The following UNC13B variants were observed in gnomAD, a reference collection of about 807,000 sequenced individuals.
UNC13B encodes the protein protein unc-13 homolog B.
Under a neutral mutation model 211.0 loss-of-function variants are expected in UNC13B, and 144 were observed. That is an observed-to-expected ratio of 0.68 (90% CI 0.60 to 0.78). The LOEUF is 0.78. UNC13B is among the 30% of genes least tolerant of loss of function. UNC13B has a pLI of 0.00. For synonymous variants in UNC13B, 709 were observed against 725.8 expected, an observed-to-expected ratio of 0.98 and a Z score of 0.37; for missense variants, 1,777 against 2,002.0, an observed-to-expected ratio of 0.89 and a Z score of 2.14.
chr9:35,318,917 A>G (rs1328123158), intron 11 of UNC13B, among the ~76,000 whole-genome samples: 2 of 152,182 alleles, frequency 1.3e-5, no homozygotes, highest in Non-Finnish European at 2.9e-5. Context: ...TCTCTCTGCA[A>G]TCCAGGCTGA....
chr9:35,293,765 CT>C (rs1347471204), intron 7 of UNC13B, among the ~76,000 whole-genome samples: 2 of 152,284 alleles, frequency 1.3e-5, no homozygotes, highest in African/African-American at 4.8e-5. Flanking sequence ...CTCTTGTTTG[CT>C]TTTGTTTTCA....
intron 14 of UNC13B, among the ~76,000 whole-genome samples, chr9:35,375,821 A>G (rs752352991): frequency 6.6e-6 from 1 of 152,118 alleles, no homozygotes; most frequent in Non-Finnish European, 1.5e-5. Context: ...TCTCTACTAA[A>G]AATACAAAAA....
intron 37 of UNC13B, among the ~76,000 whole-genome samples, chr9:35,401,124 C>T (rs1836273259): frequency 6.6e-6 from 1 of 152,170 alleles, no homozygotes; most frequent in Non-Finnish European, 1.5e-5. Context: ...GGAGCAGAGC[C>T]CTCCCAGGAG....
intron 10 of UNC13B, 29 bp downstream of exon 10, chr9:35,310,810 C>T (rs1166764634): frequency 6.3e-7 from 1 of 1,595,622 alleles, no homozygotes; most frequent in East Asian, 2.2e-5. Flanking sequence ...GAGGAGCTCA[C>T]ATGGCTTCCT....
chr9:35,189,826 C>T (rs1822556138), intron 1 of UNC13B, among the ~76,000 whole-genome samples: 1 of 152,166 alleles, frequency 6.6e-6, no homozygotes, highest in Non-Finnish European at 1.5e-5. Flanking sequence ...TGCACCACCA[C>T]ACCCGGATAA....
intron 22 of UNC13B, 65 bp downstream of exon 22, chr9:35,384,379 G>C: frequency 6.4e-7 from 1 of 1,555,290 alleles, no homozygotes; most frequent in Non-Finnish European, 8.7e-7. Flanking sequence ...GAGACTGTAG[G>C]CCAATCTTGG....
intron 11 of UNC13B, among the ~76,000 whole-genome samples, chr9:35,356,909 A>G (rs1378767782): frequency 6.6e-6 from 1 of 152,236 alleles, no homozygotes; most frequent in Non-Finnish European, 1.5e-5. Flanking sequence ...AGGATGCTGT[A>G]GCATGTATCA....
At chr9:35,342,220 A>C in intron 11 of UNC13B, 4 of 985,744 alleles carry the variant, frequency 4.1e-6, no homozygotes, top group Non-Finnish European at 4.8e-6. Context: ...TTCTCTGTCA[A>C]ACCAAGGAGT....
intron 1 of UNC13B, among the ~76,000 whole-genome samples, chr9:35,212,049 G>A (rs1351048165): frequency 6.6e-6 from 1 of 152,190 alleles, no homozygotes; most frequent in Non-Finnish European, 1.5e-5. Context: ...AGCTTTGAGT[G>A]TAGCTATTCT....
intron 10 of UNC13B, among the ~76,000 whole-genome samples, chr9:35,312,409 C>T (rs537799966): frequency 6.6e-6 from 1 of 152,252 alleles, no homozygotes; most frequent in African/African-American, 2.4e-5. Context: ...AGCTGTGGAC[C>T]AGGCTTCTTA....
chr9:35,307,874 A>C lies in UNC13B; in HGVS notation c.8470A>C (p.Lys2824Gln). ...STLFEGSSEG[K>Q]GSVLASDSKL... ...TCTATTTGAGGGAAGTAGTGAGGGG[A>C]AAGGGAGTGTATTAGCAAGTGATTC... Residue 2824 changes from lysine (K) to glutamine (Q), a missense_variant, in exon 9 of 40, where the codon AAA (lysine) becomes CAA (glutamine). By Grantham distance (53) the Lys-to-Gln change is moderately conservative. Transcript: ENST00000635942. 2.5e-6 allele frequency: 1 copy of C among 398,980 alleles called. No homozygotes were observed. The highest frequency in any genetic ancestry group is 1.3e-4 in the South Asian group (1 of 7,858). The allele number at this position is 398,980 out of a possible 1,614,324, so 24.7% of individuals were successfully genotyped here.
At chr9:35,337,006 G>A (rs772944363) in intron 11 of UNC13B, among the ~76,000 whole-genome samples, 21 of 152,130 alleles carry the variant, frequency 1.4e-4, no homozygotes, top group Non-Finnish European at 2.5e-4. Flanking sequence ...GGTTTGCTTT[G>A]ACTAAAGTTA....
chr9:35,263,623 A>G (rs572324545), intron 7 of UNC13B, among the ~76,000 whole-genome samples: 74 of 152,266 alleles, frequency 4.9e-4, no homozygotes, highest in African/African-American at 1.6e-3. Flanking sequence ...ATGTATATAT[A>G]TACATAAGCA....
Position 35,396,920 on chromosome 9 carries a change from C to T in UNC13B, c.11515C>T (p.Arg3839Ter), listed in dbSNP as rs756943841. 9.9e-6 allele frequency: 16 copies of T among 1,614,088 alleles called. No homozygotes were observed. Among genetic ancestry groups the T allele is most frequent in the Middle Eastern group, 3.3e-4 (2 of 6,062 alleles). ...GGAATTCCTGCGTGGGGCCCTGGAA[C>T]GAGATAAGAAGGATGGAGTAAGTCA... The part of the protein sequence containing the change: ...SLEFLRGALE[R>*]DKKDGFQQTS... The change falls in exon 28 of 40, where the codon CGA becomes TGA. Residue 3839 changes from arginine to a stop codon, truncating the protein, a stop_gained. Coordinates refer to ENST00000635942, the MANE Select transcript of UNC13B (RefSeq NM_001371189.2). LOFTEE classifies it high-confidence loss of function.
intron 37 of UNC13B, 138 bp downstream of exon 37, chr9:35,400,581 T>C: frequency 9.6e-7 from 1 of 1,042,802 alleles, no homozygotes; most frequent in South Asian, 1.9e-5. Context: ...TCTCTATTGC[T>C]TGATGGGACC....
Position 35,396,496 on chromosome 9 carries a change from T to G in UNC13B, c.11329T>G (p.Cys3777Gly). The G allele has an allele frequency of 6.2e-7, 1 of 1,614,048 alleles. No individual in the cohort carries two copies. The highest frequency in any genetic ancestry group is 1.1e-5 in the South Asian group (1 of 91,076). Residue 3777 changes from cysteine to glycine, a missense_variant, in exon 27 of 40, where the codon TGT becomes GGT. Cys to Gly is a radical substitution (Grantham distance 159). Transcript: ENST00000635942. ...ALEEHEKDHLCKSADYMNLHF... is the reference protein window; with the variant it reads ...ALEEHEKDHLGKSADYMNLHF... Reference sequence around the variant, plus strand: ...ACTAGAGCATGAGAAAGACCACCTGTGTAAAAGTGCTGACTACATGAACCT... The same window carrying G: ...ACTAGAGCATGAGAAAGACCACCTGGGTAAAAGTGCTGACTACATGAACCT...
chr9:35,265,306 TAAG>T (rs1336691363), intron 7 of UNC13B, among the ~76,000 whole-genome samples: 1 of 152,206 alleles, frequency 6.6e-6, no homozygotes, highest in African/African-American at 2.4e-5. Flanking sequence ...GGGGCCCATT[TAAG>T]AAGAAGAGAC....
intron 1 of UNC13B, among the ~76,000 whole-genome samples, chr9:35,175,436 T>C (rs761522218): frequency 4.6e-5 from 7 of 152,100 alleles, no homozygotes; most frequent in Non-Finnish European, 7.4e-5. Context: ...AGTTGATAGA[T>C]GTGGTCAGAA....
chr9:35,354,950 T>G (rs1035918498), intron 11 of UNC13B, among the ~76,000 whole-genome samples: 1 of 152,230 alleles, frequency 6.6e-6, no homozygotes, highest in Admixed American at 6.5e-5. Flanking sequence ...TGGACAAGGC[T>G]ATTTTTGAAG....
Sources: allele counts gnomAD v4.1 joint callset (sites outside exome capture counted in the v4.1 genomes callset), GRCh38; gene constraint gnomAD v4.1.1; transcripts MANE v1.5; gene names NCBI Gene and HGNC (gene_info 2026-07-23, HGNC 2026-07-21).